PDE3A: variants seen among roughly 807,000 people sequenced by gnomAD.
The protein encoded by PDE3A is cGMP-inhibited 3',5'-cyclic phosphodiesterase 3A.
Under a neutral mutation model 98.3 loss-of-function variants are expected in PDE3A, and 43 were observed. The observed-to-expected ratio is 0.44, with a 90% confidence interval of 0.34 to 0.56. PDE3A has a LOEUF of 0.56. PDE3A is among the 20% of genes least tolerant of loss of function. PDE3A has a pLI of 0.01. For synonymous variants in PDE3A, 663 were observed against 567.9 expected (o/e 1.17, Z -2.38); for missense variants, 1,427 against 1,440.7 (o/e 0.99, Z 0.15).
rs750325587 is a variant in PDE3A, at chr12:20,494,171, G to A, written c.961-62489G>A. Among the ~76,000 whole-genome samples the A allele has an allele frequency of 9.2e-5, 14 of 152,202 alleles. 1 individual carries two copies. The highest frequency in any genetic ancestry group is 1.5e-4 in the Non-Finnish European group (10 of 68,042). ...AGGCCGCTCTCTGATGAGAAGGAAT[G>A]TAAATGAGTGACATTAGTACAAATA... On this transcript the variant is annotated intron_variant, in intron 1 of 15. Transcript: ENST00000359062.
chr12:20,662,737 G>A (rs534583876), intron 15 of PDE3A, among the ~76,000 whole-genome samples: 1 of 152,244 alleles, frequency 6.6e-6, no homozygotes, highest in Admixed American at 6.5e-5. Context: ...TCTTTAAGAG[G>A]GAAGCTGAGC....
At chr12:20,457,556 CATATAA>C (rs1168086052) in intron 1 of PDE3A, among the ~76,000 whole-genome samples, 3 of 151,368 alleles carry the variant, frequency 2.0e-5, no homozygotes, top group African/African-American at 7.3e-5. Flanking sequence ...ACACATTATA[CATATAA>C]ATTATTATAT....
At chr12:20,438,512 AT>A (rs1187151726) in intron 1 of PDE3A, among the ~76,000 whole-genome samples, 1 of 152,236 alleles carries the variant, frequency 6.6e-6, no homozygotes, top group African/African-American at 2.4e-5. Flanking sequence ...CTAAAAAGCA[AT>A]GCAAAATATA....
intron 1 of PDE3A, among the ~76,000 whole-genome samples, chr12:20,474,856 C>A (rs1020220504): frequency 6.6e-6 from 1 of 152,160 alleles, no homozygotes; most frequent in African/African-American, 2.4e-5. Context: ...TAGTCTCATC[C>A]GCAAATTCCC....
chr12:20,438,180 A>G (rs1239648361), intron 1 of PDE3A, among the ~76,000 whole-genome samples: 3 of 152,096 alleles, frequency 2.0e-5, no homozygotes, highest in Admixed American at 6.6e-5. Context: ...AGAGTGCTCT[A>G]AGTTATAGCT....
chr12:20,516,172 C>CT (rs1218213334), intron 1 of PDE3A, among the ~76,000 whole-genome samples: 2 of 151,852 alleles, frequency 1.3e-5, no homozygotes, highest in Non-Finnish European at 2.9e-5. Context: ...GACAAGCATA[C>CT]TTTTTTTTCA....
At chr12:20,619,958 A>G (rs1211995432) in intron 4 of PDE3A, among the ~76,000 whole-genome samples, 4 of 152,130 alleles carry the variant, frequency 2.6e-5, no homozygotes, top group Non-Finnish European at 5.9e-5. Context: ...ATTAATGGAT[A>G]CAGACAATAG....
intron 1 of PDE3A, among the ~76,000 whole-genome samples, chr12:20,524,639 T>G (rs1186268382): frequency 6.6e-6 from 1 of 151,812 alleles, no homozygotes; most frequent in East Asian, 1.9e-4. Flanking sequence ...TAAAAATATT[T>G]TATATATAGC....
intron 1 of PDE3A, among the ~76,000 whole-genome samples, chr12:20,446,938 G>A (rs1451073454): frequency 6.6e-6 from 1 of 152,172 alleles, no homozygotes; most frequent in East Asian, 1.9e-4. Context: ...AAATCTCACA[G>A]GTGAGGGTGC....
Position 20,684,381 on chromosome 12 carries a change from A to G in PDE3A, c.*4110A>G, listed in dbSNP as rs1417048772. On this transcript the variant is annotated 3_prime_UTR_variant, in exon 16 of 16. Coordinates refer to ENST00000359062, the MANE Select transcript of PDE3A (RefSeq NM_000921.5). ...ATAAACTTCCTTTCAAACTGTTAGA[A>G]CGCTCCAATAAAACAAAGTTCTATG... 2 of 152,194 alleles carry G rather than the reference A, an allele frequency of 1.3e-5. No homozygotes were observed. The highest frequency in any genetic ancestry group is 2.9e-5 in the Non-Finnish European group (2 of 68,032). The allele number at this position is 152,194 out of a possible 1,614,324, so 9.4% of individuals were successfully genotyped here.
chr12:20,447,681 T>G (rs1944980474), intron 1 of PDE3A, among the ~76,000 whole-genome samples: 1 of 152,236 alleles, frequency 6.6e-6, no homozygotes, highest in South Asian at 2.1e-4. Context: ...TTCATTCATA[T>G]GCTTTGTAAT....
chr12:20,637,248 C>T lies in PDE3A; in HGVS notation c.2139+11C>T. The T allele has an allele frequency of 3.8e-6, 6 of 1,578,968 alleles. No individual in the cohort carries two copies. Among genetic ancestry groups the T allele is most frequent in the Non-Finnish European group, 5.2e-6 (6 of 1,154,090 alleles). ...CGTATTCTTAGTCAGGTAAGAAATG[C>T]ATTCATTCACACTAATTTAAATATA... On this transcript the variant is annotated intron_variant, in intron 9 of 15. Coordinates refer to ENST00000359062, the MANE Select transcript of PDE3A (RefSeq NM_000921.5).
chr12:20,688,187 A>C lies in PDE3A; in HGVS notation c.*7916A>C, dbSNP rs2203493. ...TTGCCAAATTTTTCAACTTCTAGAA[A>C]AACAAGAGTGAGTCTTTTGAACTTC... is the stretch of plus-strand genomic sequence containing the variant. On this transcript the variant is annotated 3_prime_UTR_variant, in exon 16 of 16. Transcript: ENST00000359062. Among the ~76,000 whole-genome samples, 3 of 151,544 alleles carry C rather than the reference A, an allele frequency of 2.0e-5. No individual in the cohort carries two copies. The East Asian group carries it at 5.8e-4, about 29-fold the overall frequency.
At chr12:20,637,066 T>C in intron 8 of PDE3A, 34 bp from the exon 9 acceptor site, 2 of 1,483,670 alleles carry the variant, frequency 1.3e-6, no homozygotes, top group Admixed American at 2.3e-5. Context: ...AAAAACTGCA[T>C]GCTGTTTAAG....
intron 1 of PDE3A, among the ~76,000 whole-genome samples, chr12:20,498,072 G>T (rs112459475): frequency 1.3e-5 from 2 of 152,088 alleles, no homozygotes; most frequent in Non-Finnish European, 2.9e-5. Flanking sequence ...AAGGAGTACT[G>T]GTTAGAAAAA....
intron 1 of PDE3A, among the ~76,000 whole-genome samples, chr12:20,448,514 T>G (rs1392813399): frequency 6.6e-6 from 1 of 152,186 alleles, no homozygotes; most frequent in Non-Finnish European, 1.5e-5. Flanking sequence ...TTACTTTTGT[T>G]AACAGACTTT....
chr12:20,564,702 G>A (rs936506633), intron 2 of PDE3A, among the ~76,000 whole-genome samples: 20 of 152,112 alleles, frequency 1.3e-4, no homozygotes, highest in Admixed American at 1.0e-3. Flanking sequence ...AAAGAACATT[G>A]ATGAACAGGA....
chr12:20,404,526 AC>A (rs1411117552), intron 1 of PDE3A, among the ~76,000 whole-genome samples: 2 of 152,170 alleles, frequency 1.3e-5, no homozygotes, highest in Non-Finnish European at 2.9e-5. Context: ...TCTGAGTTCA[AC>A]CTAATTATTA....
At chr12:20,372,301 G>A (rs547231689) in intron 1 of PDE3A, among the ~76,000 whole-genome samples, 1 of 152,066 alleles carries the variant, frequency 6.6e-6, no homozygotes, top group Non-Finnish European at 1.5e-5. Flanking sequence ...TTTAAAGACT[G>A]TGTTAATGAA....
Sources: gnomAD v4.1 joint callset for allele counts (sites outside exome capture counted in the v4.1 genomes callset) on GRCh38, gnomAD v4.1.1 for gene constraint, MANE v1.5 for transcripts, NCBI Gene and HGNC (gene_info 2026-07-23, HGNC 2026-07-21) for gene names.